The following PCDH9 variants were observed in gnomAD, a reference collection of about 807,000 sequenced individuals.
The protein encoded by PCDH9 is protocadherin 9, also known as protocadherin-9.
A neutral mutation model predicts 70.6 loss-of-function variants in PCDH9; 24 were observed. That is an observed-to-expected ratio of 0.34 (90% CI 0.25 to 0.48). The LOEUF (loss-of-function observed/expected upper bound fraction) is 0.48. PCDH9 is among the 20% of genes least tolerant of loss of function. PCDH9 has a pLI of 0.99. For missense variants in PCDH9, 1,281 were observed against 1,503.6 expected, an observed-to-expected ratio of 0.85 and a Z score of 2.45; for synonymous variants, 562 against 558.5, an observed-to-expected ratio of 1.01 and a Z score of -0.09.
At chr13:66,855,350 TGGATTAC>T (rs948450340) in intron 3 of PCDH9, among the ~76,000 whole-genome samples, 5 of 152,220 alleles carry the variant, frequency 3.3e-5, no homozygotes, top group Admixed American at 3.3e-4. Context: ...AAATGAATAA[TGGATTAC>T]GGATTGCTGT....
chr13:66,568,893 A>G (rs935404966), intron 4 of PCDH9, among the ~76,000 whole-genome samples: 1 of 151,992 alleles, frequency 6.6e-6, no homozygotes, highest in East Asian at 1.9e-4. Flanking sequence ...GTAGTTGAAT[A>G]CAGGAGAAAC....
chr13:67,139,004 C>T (rs1030318803), intron 2 of PCDH9, among the ~76,000 whole-genome samples: 2 of 152,060 alleles, frequency 1.3e-5, no homozygotes, highest in African/African-American at 4.8e-5. Context: ...AGTAAGGATC[C>T]AGAGCAGTAA....
chr13:66,435,675 G>C (rs1027260835), intron 4 of PCDH9, among the ~76,000 whole-genome samples: 1 of 152,148 alleles, frequency 6.6e-6, no homozygotes, highest in Non-Finnish European at 1.5e-5. Context: ...GGAGAAACTA[G>C]AGATATTGTA....
intron 3 of PCDH9, among the ~76,000 whole-genome samples, chr13:66,705,625 T>G (rs2078701267): frequency 6.6e-6 from 1 of 152,190 alleles, no homozygotes; most frequent in Admixed American, 6.5e-5. Flanking sequence ...CAAAGAAACC[T>G]CTTTTTGTTT....
intron 2 of PCDH9, among the ~76,000 whole-genome samples, chr13:66,936,647 T>C (rs913719335): frequency 1.3e-5 from 2 of 152,194 alleles, no homozygotes; most frequent in African/African-American, 2.4e-5. Context: ...TTTCATGAAC[T>C]GGCTACTAAA....
intron 4 of PCDH9, among the ~76,000 whole-genome samples, chr13:66,415,323 A>G (rs1354618577): frequency 6.6e-6 from 1 of 152,110 alleles, no homozygotes; most frequent in Non-Finnish European, 1.5e-5. Flanking sequence ...TATAATGAAA[A>G]CAGTATTTGC....
At chr13:66,487,615 T>C in intron 4 of PCDH9, among the ~76,000 whole-genome samples, 1 of 152,294 alleles carries the variant, frequency 6.6e-6, no homozygotes, top group East Asian at 1.9e-4. Context: ...TAATATTATA[T>C]GGACATCTTT....
intron 4 of PCDH9, among the ~76,000 whole-genome samples, chr13:66,524,622 A>C (rs545051146): frequency 3.9e-4 from 60 of 152,182 alleles, no homozygotes; most frequent in Non-Finnish European, 8.2e-4. Context: ...GCAAATATAG[A>C]GCTATCGGAA....
chr13:66,755,704 G>A (rs1226497789), intron 3 of PCDH9, among the ~76,000 whole-genome samples: 1 of 151,926 alleles, frequency 6.6e-6, no homozygotes, highest in Non-Finnish European at 1.5e-5. Flanking sequence ...AATGGGGTGG[G>A]GAAATCTCAT....
At chr13:66,752,828 G>A (rs1032436837) in intron 3 of PCDH9, among the ~76,000 whole-genome samples, 1 of 152,166 alleles carries the variant, frequency 6.6e-6, no homozygotes, top group Non-Finnish European at 1.5e-5. Flanking sequence ...GTTCAGAAAA[G>A]AGAAATAGGG....
chr13:67,092,534 T>C (rs371852682), intron 2 of PCDH9, among the ~76,000 whole-genome samples: 6 of 152,270 alleles, frequency 3.9e-5, no homozygotes, highest in South Asian at 2.1e-4. Context: ...CAAGGGCCCA[T>C]TGAGATTTGA....
rs756544953 is a variant in PCDH9 at position 67,225,252 on chromosome 13, G to A, written c.3036+153C>T. ...AGCTGTTCTAAAAATTCTTGACTGAGCCCCAGAGGAATAGAAAAGGGGTCA... is the reference window on the plus strand; with the variant it reads ...AGCTGTTCTAAAAATTCTTGACTGAACCCCAGAGGAATAGAAAAGGGGTCA... On this transcript the variant is annotated intron_variant, in intron 2 of 4. Transcript: ENST00000377865. 2.7e-4 allele frequency: 340 copies of A among 1,263,444 alleles called. 1 individual carries two copies. Among genetic ancestry groups the A allele is most frequent in the Non-Finnish European group, 3.3e-4 (310 of 937,850 alleles). The allele number at this position is 1,263,444 out of a possible 1,614,324, so 78.3% of individuals were successfully genotyped here. A position where few individuals can be genotyped will look rare whatever the true frequency, so the allele number is the denominator to read the frequency against.
intron 2 of PCDH9, among the ~76,000 whole-genome samples, chr13:67,190,576 A>G (rs2088883942): frequency 6.6e-6 from 1 of 152,008 alleles, no homozygotes; most frequent in African/African-American, 2.4e-5. Context: ...AGAACTTTGG[A>G]TTTCTGCTTT....
chr13:66,621,507 A>T (rs1244000343), intron 4 of PCDH9, among the ~76,000 whole-genome samples: 1 of 152,200 alleles, frequency 6.6e-6, no homozygotes, highest in Non-Finnish European at 1.5e-5. Flanking sequence ...TCATGATAAG[A>T]AAGTATTGTT....
chr13:67,006,909 C>T (rs1406746127), intron 2 of PCDH9, among the ~76,000 whole-genome samples: 1 of 151,970 alleles, frequency 6.6e-6, no homozygotes, highest in Non-Finnish European at 1.5e-5. Context: ...TTTTTGCAAA[C>T]ATAGAATTCC....
chr13:67,140,351 G>C (rs2087351740), intron 2 of PCDH9, among the ~76,000 whole-genome samples: 1 of 151,958 alleles, frequency 6.6e-6, no homozygotes, highest in Non-Finnish European at 1.5e-5. Context: ...TTTGCCAGTG[G>C]AAAAATTAAG....
At chr13:66,993,338 T>C (rs1225171325) in intron 2 of PCDH9, among the ~76,000 whole-genome samples, 1 of 152,222 alleles carries the variant, frequency 6.6e-6, no homozygotes, top group African/African-American at 2.4e-5. Flanking sequence ...AAACGTGACA[T>C]CAATAATTCT....
chr13:67,205,269 A>G (rs1231593306), intron 2 of PCDH9: 2 of 152,216 alleles, frequency 1.3e-5, no homozygotes, highest in Non-Finnish European at 2.9e-5. Context: ...TCAATGATCT[A>G]TCTAAAATAG....
At chr13:67,105,606 TGCA>T (rs1416091466) in intron 2 of PCDH9, among the ~76,000 whole-genome samples, 2 of 152,164 alleles carry the variant, frequency 1.3e-5, no homozygotes, top group Non-Finnish European at 1.5e-5. Flanking sequence ...GGAGAAATGA[TGCA>T]GCATCTTTTT....
Sources: gnomAD v4.1 joint callset for allele counts (sites outside exome capture counted in the v4.1 genomes callset) on GRCh38, gnomAD v4.1.1 for gene constraint, MANE v1.5 for transcripts, NCBI Gene and HGNC (gene_info 2026-07-23, HGNC 2026-07-21) for gene names.